HSF1: variants seen among roughly 807,000 people sequenced by gnomAD.
The protein encoded by HSF1 is heat shock factor protein 1.
HSF1 carries 32 observed loss-of-function variants against 51.7 expected under a neutral mutation model. That is an observed-to-expected ratio of 0.62 (90% CI 0.47 to 0.83). The LOEUF is 0.83. Among genes scored for constraint, HSF1 ranks in the 40% least tolerant of loss-of-function variants. The pLI is 0.00. For missense variants in HSF1, 727 were observed against 717.0 expected, an observed-to-expected ratio of 1.01 and a Z score of -0.16; for synonymous variants, 396 against 309.7, an observed-to-expected ratio of 1.28 and a Z score of -2.92.
intron 1 of HSF1, among the ~76,000 whole-genome samples, chr8:144,302,053 C>A (rs1815925078): frequency 6.6e-6 from 1 of 150,938 alleles, no homozygotes; most frequent in Admixed American, 6.6e-5. Flanking sequence ...GTAATCCCCG[C>A]TACTCGGGAG....
chr8:144,302,728 G>A lies in HSF1; in HGVS notation c.118-6178G>A, dbSNP rs185264205. On this transcript the variant is annotated intron_variant, in intron 1 of 12. Coordinates refer to ENST00000528838, the MANE Select transcript of HSF1 (RefSeq NM_005526.4). ...GCCCAGCTACGCGGGAGGCTGAGGT[G>A]GGAGGATCTCTTGATCCCAGGAGGT... Among the ~76,000 whole-genome samples the A allele has an allele frequency of 8.6e-5, 13 of 151,788 alleles. 1 individual carries two copies. The East Asian group carries it at 2.5e-3, about 30-fold the overall frequency.
chr8:144,306,470 C>T (rs1554843349), intron 1 of HSF1, among the ~76,000 whole-genome samples: 1 of 152,128 alleles, frequency 6.6e-6, no homozygotes, highest in Non-Finnish European at 1.5e-5. Flanking sequence ...TCAAGGGATC[C>T]TCCCTCCTCA....
intron 1 of HSF1, among the ~76,000 whole-genome samples, chr8:144,296,284 C>T (rs1480735918): frequency 6.6e-6 from 1 of 152,240 alleles, no homozygotes; most frequent in African/African-American, 2.4e-5. Flanking sequence ...ACCCTGGTCA[C>T]AGATCGTGTC....
At chr8:144,298,821 G>A (rs1564612840) in intron 1 of HSF1, among the ~76,000 whole-genome samples, 1 of 152,218 alleles carries the variant, frequency 6.6e-6, no homozygotes, top group Admixed American at 6.5e-5. Flanking sequence ...GCGTGAGCCC[G>A]CTTGCATCTT....
rs1815564031 is a variant in HSF1, at chr8:144,297,722, C to T, written c.117+5848C>T. Reference sequence around the variant, plus strand: ...GGGACCCGGAGAGGGAACAGCCGGCCAGCCGAGCCCAGGAGCCCAGATCAC... The same window carrying T: ...GGGACCCGGAGAGGGAACAGCCGGCTAGCCGAGCCCAGGAGCCCAGATCAC... On this transcript the variant is annotated intron_variant, in intron 1 of 12. Transcript: ENST00000528838. The surrounding 1 kb of genome is among the most constrained non-coding windows in gnomAD (Gnocchi z 4.6). 6.6e-6 allele frequency among the ~76,000 whole-genome samples: 1 copy of T among 152,216 alleles called. No homozygotes were observed.
intron 1 of HSF1, among the ~76,000 whole-genome samples, chr8:144,294,502 A>C (rs1269929837): frequency 3.9e-5 from 6 of 152,360 alleles, no homozygotes; most frequent in African/African-American, 1.4e-4. Context: ...CAAGAAGATG[A>C]GGCAGAATCA....
At position 144,314,354 on chromosome 8, in the gene HSF1, C is replaced by G; in HGVS notation, c.*24C>G. 1.3e-6 allele frequency: 2 copies of G among 1,530,892 alleles called. No homozygotes were observed. The highest frequency in any genetic ancestry group is 2.5e-5 in the East Asian group (1 of 40,560). 94.8% of individuals were successfully genotyped at this position (1,530,892 alleles called of 1,614,324 possible). ...AGAGGCCCCGGAGGAGCTGGGCCAG[C>G]CGCCCACCCCCACCCCCAGTGCAGG... On this transcript the variant is annotated 3_prime_UTR_variant, in exon 13 of 13. Transcript: ENST00000528838.
intron 1 of HSF1, among the ~76,000 whole-genome samples, chr8:144,302,539 C>T (rs1253520719): frequency 1.1e-4 from 17 of 150,882 alleles, no homozygotes; most frequent in African/African-American, 4.1e-4. Context: ...ATAAATAAAA[C>T]GCAAGTGGCT....
In HSF1 at chr8:144,309,447, AT is replaced by A. The variant is rs782496708; in HGVS notation, c.227-7del. On this transcript the variant is annotated splice_polypyrimidine_tract_variant and splice_region_variant and intron_variant, in intron 2 of 12. Transcript: ENST00000528838. The stretch of plus-strand genomic sequence containing the variant: ...AGGCAGAGCTGCCCCCTTCCCTGTT[AT>A]GTGCAGATGGCTTCCGGAAAGTGGT... The A allele has an allele frequency of 4.3e-6, 7 of 1,613,768 alleles. No individual in the cohort carries two copies. The highest frequency in any genetic ancestry group is 1.7e-6 in the Non-Finnish European group (2 of 1,179,948).
chr8:144,308,886 C>A lies in HSF1; in HGVS notation c.118-20C>A. ...GCCCCTCACCACCACGCGTGACCCA[C>A]CCATGTGTCTCCCTTTCAGAGCGGG... is the stretch of plus-strand genomic sequence containing the variant. On this transcript the variant is annotated intron_variant, in intron 1 of 12. Transcript: ENST00000528838. 6.2e-7 allele frequency: 1 copy of A among 1,606,024 alleles called. No homozygotes were observed. The highest frequency in any genetic ancestry group is 8.5e-7 in the Non-Finnish European group (1 of 1,172,638).
At position 144,313,899 on chromosome 8, in the gene HSF1, C is replaced by T; in HGVS notation, c.1302C>T (p.Ser434=). The T allele has an allele frequency of 6.2e-7, 1 of 1,609,270 alleles. No individual in the cohort carries two copies. Among genetic ancestry groups the T allele is most frequent in the Non-Finnish European group, 8.5e-7 (1 of 1,179,064 alleles). The change falls in exon 11 of 13, where the codon AGC becomes AGT. Residue 434 remains serine, a synonymous_variant. Coordinates refer to ENST00000528838, the MANE Select transcript of HSF1 (RefSeq NM_005526.4). ...ACATGAGCCTGCCTGACCTTGACAG[C>T]AGCCTGGCCAGTGTGCGTAGGCGGG... The part of the protein sequence containing the change: ...VPDMSLPDLD[S]SLASIQELLS...
At chr8:144,311,120 C>G in intron 4 of HSF1, 54 bp from the exon 5 acceptor site, 4 of 1,519,968 alleles carry the variant, frequency 2.6e-6, no homozygotes, top group Non-Finnish European at 3.6e-6. Context: ...GGGGCTCCCT[C>G]AGCCCTGGGG....
chr8:144,308,857 C>T (rs371809834), intron 1 of HSF1, 49 bp from the exon 2 acceptor site: 96 of 1,466,032 alleles, frequency 6.5e-5, no homozygotes, highest in Middle Eastern at 1.7e-4. Context: ...GGCTTGGGCA[C>T]GCTGCCCCTC....
At chr8:144,305,387 C>T (rs1225034526) in intron 1 of HSF1, among the ~76,000 whole-genome samples, 1 of 151,932 alleles carries the variant, frequency 6.6e-6, no homozygotes, top group Non-Finnish European at 1.5e-5. Context: ...GCAACCTCTG[C>T]CTCCAGAGTT....
chr8:144,295,606 T>A (rs1024749715), intron 1 of HSF1, among the ~76,000 whole-genome samples: 23 of 152,338 alleles, frequency 1.5e-4, no homozygotes, highest in African/African-American at 5.5e-4. Context: ...CAGGCTGGAG[T>A]GCAGGGCTAT....
chr8:144,310,033 G>A (rs1816509840), intron 4 of HSF1, 137 bp downstream of exon 4: 7 of 1,086,498 alleles, frequency 6.4e-6, no homozygotes, highest in Admixed American at 2.8e-5. Context: ...TCTACCCTGG[G>A]CCTCTGCCCC....
intron 1 of HSF1, among the ~76,000 whole-genome samples, chr8:144,302,860 A>G (rs1420060882): frequency 5.9e-5 from 9 of 152,076 alleles, no homozygotes; most frequent in African/African-American, 1.9e-4. Flanking sequence ...ATTTGAACAG[A>G]TACATCAAAA....
chr8:144,313,615 A>T lies in HSF1; in HGVS notation c.1247A>T (p.Asp416Val). Residue 416 changes from aspartate to valine, a missense_variant and splice_region_variant, in exon 10 of 13, where the codon GAC becomes GTC. Physicochemically the swap from Asp to Val is radical, Grantham distance 152. Transcript: ENST00000528838. ...AGCGTGGACACCAGTGCCCTGCTGGACGTGAGTGGAGCCCCGCCGCCCCGC... is the reference window on the plus strand; with the variant it reads ...AGCGTGGACACCAGTGCCCTGCTGGTCGTGAGTGGAGCCCCGCCGCCCCGC... ...GFSVDTSALL[D>V]LFSPSVTVPD... 1 of 1,572,846 alleles carries T rather than the reference A, an allele frequency of 6.4e-7. No individual in the cohort carries two copies. Among genetic ancestry groups the T allele is most frequent in the Non-Finnish European group, 8.6e-7 (1 of 1,156,840 alleles).
Position 144,314,253 on chromosome 8 carries a change from G to A in HSF1, c.1513G>A (p.Gly505Ser), listed in dbSNP as rs1648282826. Residue 505 changes from glycine to serine, a missense_variant, in exon 13 of 13, where the codon GGC becomes AGC. Physicochemically the swap from Gly to Ser is moderately conservative, Grantham distance 56. Coordinates refer to ENST00000528838, the MANE Select transcript of HSF1 (RefSeq NM_005526.4). ...GGGCTCCTACTTCTCCGAAGGGGAC[G>A]GCTTCGCCGAGGACCCCACCATCTC... ...GEGSYFSEGD[G>S]FAEDPTISLL... 6.4e-6 allele frequency: 10 copies of A among 1,550,472 alleles called. No individual in the cohort carries two copies. The highest frequency in any genetic ancestry group is 1.7e-4 in the Middle Eastern group (1 of 6,012).
Sources: allele counts gnomAD v4.1 joint callset (sites outside exome capture counted in the v4.1 genomes callset), GRCh38; gene constraint gnomAD v4.1.1; non-coding constraint Gnocchi (gnomAD v3.1); transcripts MANE v1.5; gene names NCBI Gene and HGNC (gene_info 2026-07-23, HGNC 2026-07-21).